GNAO1: variants seen among roughly 807,000 people sequenced by gnomAD.
GNAO1 encodes the protein guanine nucleotide-binding protein G(o) subunit alpha.
For missense variants in GNAO1, 166 were observed against 478.7 expected, an observed-to-expected ratio of 0.35 and a Z score of 6.10; for synonymous variants, 164 against 180.7, an observed-to-expected ratio of 0.91 and a Z score of 0.74.
chr16:56,251,043 C>T (rs2036794721), intron 2 of GNAO1, among the ~76,000 whole-genome samples: 1 of 152,124 alleles, frequency 6.6e-6, no homozygotes, highest in South Asian at 2.1e-4. Context: ...ATGATTTTAC[C>T]CCCGAGTCTA....
At position 56,234,970 on chromosome 16, in the gene GNAO1, A is replaced by G. The variant is rs114281448; in HGVS notation, c.162-40961A>G. Reference sequence around the variant, plus strand: ...AGTGGCTAGTTAATGTTCAGCCACCAGCTGCCTGTGAAAATGCTGTTTATG... The same window carrying G: ...AGTGGCTAGTTAATGTTCAGCCACCGGCTGCCTGTGAAAATGCTGTTTATG... On this transcript the variant is annotated intron_variant, in intron 2 of 8. Transcript: ENST00000262493. 7.9e-3 allele frequency: 1,923 copies of G among 242,114 alleles called. 43 individuals carry two copies. The highest frequency in any genetic ancestry group is 0.041 in the African/African-American group (1,827 of 44,872). The allele number at this position is 242,114 out of a possible 1,614,324, so 15.0% of individuals were successfully genotyped here. A position where few individuals can be genotyped will look rare whatever the true frequency, so the allele number is the denominator to read the frequency against.
At chr16:56,256,678 TTCTC>T (rs1253150713) in intron 2 of GNAO1, among the ~76,000 whole-genome samples, 9 of 139,284 alleles carry the variant, frequency 6.5e-5, no homozygotes, top group Admixed American at 2.1e-4. Context: ...GTCAGTCTCT[TTCTC>T]TCTGTCTCTC....
chr16:56,347,267 A>C, intron 6 of GNAO1: 2 of 985,398 alleles, frequency 2.0e-6, no homozygotes, highest in Non-Finnish European at 2.4e-6. Flanking sequence ...AGGAACCCAG[A>C]CCTGAGGCTC....
In GNAO1 at chr16:56,341,081, A is replaced by T. The variant is rs142149848; in HGVS notation, c.723+4221A>T. On this transcript the variant is annotated intron_variant, in intron 6 of 8. Transcript: ENST00000262493. The stretch of plus-strand genomic sequence containing the variant: ...TTCCTGTGCTCTGTGGATGCCCCTG[A>T]CTCTGCCACAGAGAATCCACACAAA... 1,128 of 981,814 alleles carry T rather than the reference A, an allele frequency of 1.1e-3. 9 individuals are homozygous for T. The African/African-American group carries it at 0.017, about 14-fold the overall frequency. 60.8% of individuals were successfully genotyped at this position (981,814 alleles called of 1,614,324 possible).
At chr16:56,208,284 C>G (rs557736992) in intron 2 of GNAO1, among the ~76,000 whole-genome samples, 2 of 151,806 alleles carry the variant, frequency 1.3e-5, no homozygotes, top group East Asian at 3.9e-4. Flanking sequence ...ATATATTATT[C>G]TTCACCTCAT....
At position 56,344,646 on chromosome 16, in the gene GNAO1, G is replaced by T. The variant is rs564248854; in HGVS notation, c.724-6738G>T. On this transcript the variant is annotated intron_variant, in intron 6 of 8. Coordinates refer to ENST00000262493, the MANE Select transcript of GNAO1 (RefSeq NM_020988.3). ...GCTCAGATAGATGGTGGCGTGGAGC[G>T]GGGGGAGGGAGAGATGGGAGGTGCG... 7 of 985,518 alleles carry T rather than the reference G, an allele frequency of 7.1e-6. No homozygotes were observed. In the South Asian group the frequency reaches 2.3e-4, roughly 33 times the overall value. The allele number at this position is 985,518 out of a possible 1,614,324, so 61.0% of individuals were successfully genotyped here.
At chr16:56,281,556 T>C (rs1181210532) in intron 3 of GNAO1, among the ~76,000 whole-genome samples, 5 of 151,908 alleles carry the variant, frequency 3.3e-5, no homozygotes, top group African/African-American at 1.2e-4. Context: ...CTTTTTCCCT[T>C]TTCCTCTGTC....
At chr16:56,194,565 G>T (rs370513929) in intron 2 of GNAO1, 1 of 253,664 alleles carries the variant, frequency 3.9e-6, no homozygotes, top group South Asian at 4.7e-5. Context: ...CGGTCTGGGC[G>T]CGGGGCTCGG....
At chr16:56,219,045 C>G (rs560797520) in intron 2 of GNAO1, among the ~76,000 whole-genome samples, 1 of 152,318 alleles carries the variant, frequency 6.6e-6, no homozygotes, top group South Asian at 2.1e-4. Flanking sequence ...CACCCACCCC[C>G]CAACCCAGCT....
chr16:56,195,928 G>A (rs1245529617), intron 2 of GNAO1, among the ~76,000 whole-genome samples: 24 of 152,086 alleles, frequency 1.6e-4, no homozygotes, highest in African/African-American at 4.8e-4. Context: ...ATAAAGGACC[G>A]GCTGGCAATT....
rs556461310 is a variant in GNAO1, at chr16:56,259,017, G to T, written c.162-16914G>T. ...CCAGGCACACATACGCGTGGCTTTA[G>T]ATGGCGTATACATTCTTACATGACC... On this transcript the variant is annotated intron_variant, in intron 2 of 8. Coordinates refer to ENST00000262493, the MANE Select transcript of GNAO1 (RefSeq NM_020988.3). Among the ~76,000 whole-genome samples the T allele has an allele frequency of 2.6e-5, 4 of 152,356 alleles. No individual in the cohort carries two copies. The South Asian group carries it at 6.2e-4, about 24-fold the overall frequency.
chr16:56,305,430 C>T (rs549866818), intron 3 of GNAO1, among the ~76,000 whole-genome samples: 2 of 152,170 alleles, frequency 1.3e-5, no homozygotes, highest in East Asian at 3.9e-4. Flanking sequence ...TCAGGGAAAG[C>T]CTTATCTTGG....
Position 56,334,876 on chromosome 16 carries a change from C to A in GNAO1, c.593+19C>A, listed in dbSNP as rs183437108. ...ACTTCAGGTGAGGCCCAGAGAGGCC[C>A]CCAGGCCCTGGCGAGGGCTAAGATG... is the stretch of plus-strand genomic sequence containing the variant. On this transcript the variant is annotated intron_variant, in intron 5 of 8. Coordinates refer to ENST00000262493, the MANE Select transcript of GNAO1 (RefSeq NM_020988.3). The A allele has an allele frequency of 9.9e-6, 16 of 1,613,520 alleles. No homozygotes were observed. In the East Asian group the frequency reaches 2.9e-4, roughly 29 times the overall value.
At chr16:56,293,752 G>C (rs552604570) in intron 3 of GNAO1, among the ~76,000 whole-genome samples, 2 of 152,152 alleles carry the variant, frequency 1.3e-5, no homozygotes, top group African/African-American at 4.8e-5. Flanking sequence ...CTGATATCAG[G>C]TTGGGGAAAG....
Position 56,223,833 on chromosome 16 carries a change from C to T in GNAO1, c.161+31217C>T, listed in dbSNP as rs141086051. On this transcript the variant is annotated intron_variant, in intron 2 of 8. Coordinates refer to ENST00000262493, the MANE Select transcript of GNAO1 (RefSeq NM_020988.3). ...TGAAGAACAAGATTTAAACTCCTTG[C>T]GAGAAAGGACAAACTGCACTGTATT... Among the ~76,000 whole-genome samples the T allele has an allele frequency of 5.9e-5, 9 of 152,286 alleles. No individual in the cohort carries two copies. In the East Asian group the frequency reaches 7.7e-4, roughly 13 times the overall value.
At chr16:56,282,733 C>A (rs966078996) in intron 3 of GNAO1, among the ~76,000 whole-genome samples, 9 of 152,194 alleles carry the variant, frequency 5.9e-5, no homozygotes, top group Admixed American at 2.0e-4. Context: ...AAACCGTAAA[C>A]CTATACATGG....
chr16:56,232,098 G>A (rs191348807), intron 2 of GNAO1, among the ~76,000 whole-genome samples: 4 of 152,122 alleles, frequency 2.6e-5, no homozygotes, highest in East Asian at 1.9e-4. Flanking sequence ...ACAGCAAGGC[G>A]TTGACGGATG....
chr16:56,225,519 A>G (rs1448291712), intron 2 of GNAO1, among the ~76,000 whole-genome samples: 1 of 152,208 alleles, frequency 6.6e-6, no homozygotes, highest in African/African-American at 2.4e-5. Flanking sequence ...AGCTAGTTAA[A>G]TATGAGCTTA....
intron 6 of GNAO1, chr16:56,345,306 G>A: frequency 1.0e-6 from 1 of 985,456 alleles, no homozygotes; most frequent in Non-Finnish European, 1.2e-6. Context: ...GCCATGGGAG[G>A]GAGGAGGGTA....
Sources: allele counts gnomAD v4.1 joint callset (sites outside exome capture counted in the v4.1 genomes callset), GRCh38; gene constraint gnomAD v4.1.1; transcripts MANE v1.5; gene names NCBI Gene and HGNC (gene_info 2026-07-23, HGNC 2026-07-21).